RASGRP1: variants seen among roughly 807,000 people sequenced by gnomAD.
The protein encoded by RASGRP1 is RAS guanyl releasing protein 1.
In RASGRP1, 37 loss-of-function variants were observed where a neutral mutation model predicts 95.1. The ratio of observed to expected loss-of-function variants is 0.39; its 90% CI spans 0.30 to 0.51. The LOEUF is 0.51. Among genes scored for constraint, RASGRP1 ranks in the 20% least tolerant of loss-of-function variants. The pLI is 0.80. For missense variants in RASGRP1, 711 were observed against 965.4 expected (o/e 0.74, Z 3.49); for synonymous variants, 325 against 353.4 (o/e 0.92, Z 0.90).
intron 2 of RASGRP1, among the ~76,000 whole-genome samples, chr15:38,542,445 T>C (rs2141168569): frequency 6.6e-6 from 1 of 152,062 alleles, no homozygotes; most frequent in African/African-American, 2.4e-5. Flanking sequence ...GCAGAGAATT[T>C]GCATTCTTAA....
intron 2 of RASGRP1, among the ~76,000 whole-genome samples, chr15:38,551,493 T>C (rs72727388): frequency 0.28 from 43,259 of 152,060 alleles, 6,340 homozygotes; most frequent in East Asian, 0.4. Context: ...GACAAGCTTG[T>C]ATTGATCATC....
chr15:38,518,479 T>G (rs779360036), intron 4 of RASGRP1, 56 bp from the exon 5 acceptor site: 3 of 1,554,058 alleles, frequency 1.9e-6, no homozygotes, highest in Non-Finnish European at 2.6e-6. Context: ...GACTCACAAT[T>G]TGTTGGGTTC....
chr15:38,547,961 T>A (rs981848346), intron 2 of RASGRP1, among the ~76,000 whole-genome samples: 1 of 151,296 alleles, frequency 6.6e-6, no homozygotes, highest in African/African-American at 2.4e-5. Context: ...CATTAAAGAT[T>A]ACAAGTTTCC....
chr15:38,499,053 T>C, intron 14 of RASGRP1, 107 bp from the exon 15 acceptor site: 3 of 1,438,734 alleles, frequency 2.1e-6, no homozygotes, highest in Non-Finnish European at 2.9e-6. Flanking sequence ...ATGTCTGTTC[T>C]ATCTTCTGGA....
At chr15:38,505,039 T>C (rs944410350) in intron 10 of RASGRP1, 5 of 152,308 alleles carry the variant, frequency 3.3e-5, no homozygotes, top group African/African-American at 1.2e-4. Flanking sequence ...CTACCAAATA[T>C]TTTCAGTGGA....
chr15:38,498,702 C>G (rs568769846), intron 15 of RASGRP1, 92 bp downstream of exon 15: 2 of 1,485,878 alleles, frequency 1.3e-6, no homozygotes, highest in African/African-American at 1.4e-5. Context: ...CATTTAAACT[C>G]AAACACAGAG....
intron 1 of RASGRP1, among the ~76,000 whole-genome samples, chr15:38,563,526 G>A (rs1328224577): frequency 3.3e-5 from 5 of 152,210 alleles, no homozygotes; most frequent in African/African-American, 1.2e-4. Flanking sequence ...AAAAGTAAGA[G>A]ATGAAATGGA....
intron 16 of RASGRP1, among the ~76,000 whole-genome samples, chr15:38,493,045 T>G (rs1161007692): frequency 6.6e-6 from 1 of 151,962 alleles, no homozygotes; most frequent in Non-Finnish European, 1.5e-5. Context: ...CACGCCTGGC[T>G]AATTTTTTAT....
At chr15:38,561,518 G>A (rs1893809948) in intron 1 of RASGRP1, among the ~76,000 whole-genome samples, 1 of 152,206 alleles carries the variant, frequency 6.6e-6, no homozygotes, top group Admixed American at 6.6e-5. Context: ...CAAAGGGGCT[G>A]AAGAAGTGCT....
intron 2 of RASGRP1, among the ~76,000 whole-genome samples, chr15:38,555,886 G>C (rs916835762): frequency 6.6e-6 from 1 of 152,140 alleles, no homozygotes; most frequent in Non-Finnish European, 1.5e-5. Context: ...GGGGGGGCCC[G>C]TTCTGAGGCA....
chr15:38,523,166 T>G (rs1892064586), intron 3 of RASGRP1, among the ~76,000 whole-genome samples: 1 of 152,180 alleles, frequency 6.6e-6, no homozygotes, highest in Admixed American at 6.5e-5. Context: ...ACTAACACTA[T>G]TAACTGAAAT....
intron 3 of RASGRP1, among the ~76,000 whole-genome samples, chr15:38,524,697 G>A (rs1223915694): frequency 3.9e-5 from 6 of 152,132 alleles, no homozygotes; most frequent in South Asian, 4.2e-4. Flanking sequence ...ATTTTAAGAC[G>A]CTTTCACATC....
At chr15:38,503,014 C>A in intron 11 of RASGRP1, 1 of 524,172 alleles carries the variant, frequency 1.9e-6, no homozygotes, top group Non-Finnish European at 3.4e-6. Flanking sequence ...TTCTGTACTC[C>A]TAAATCAACT....
intron 2 of RASGRP1, among the ~76,000 whole-genome samples, chr15:38,549,712 A>G (rs561446157): frequency 3.8e-4 from 57 of 148,392 alleles, no homozygotes; most frequent in South Asian, 2.6e-3. Flanking sequence ...GTCCATTTCA[A>G]TGAATCACTG....
chr15:38,546,227 A>AT lies in RASGRP1; in HGVS notation c.220+13593dup, dbSNP rs202138336. ...AAATTATAACTTTATTTATTTATTT[A>AT]TTTATTTTTGAGATGGAGTCCCGCT... On this transcript the variant is annotated intron_variant, in intron 2 of 16. Transcript: ENST00000310803. 2.4e-3 allele frequency among the ~76,000 whole-genome samples: 362 copies of AT among 148,738 alleles called. 2 individuals are homozygous for AT. Among genetic ancestry groups the AT allele is most frequent in the African/African-American group, 8.7e-3 (333 of 38,328 alleles).
rs141890107 is a variant in RASGRP1 at position 38,509,159 on chromosome 15, A to G, written c.967-1158T>C. 2.9e-3 allele frequency among the ~76,000 whole-genome samples: 447 copies of G among 152,276 alleles called. 2 individuals carry two copies. Among genetic ancestry groups the G allele is most frequent in the African/African-American group, 0.01 (430 of 41,572 alleles). On this transcript the variant is annotated intron_variant, in intron 8 of 16. Transcript: ENST00000310803. The stretch of plus-strand genomic sequence containing the variant: ...ACTTAGATCTTAGCAACCTCAGCAT[A>G]TGATTTTTTTCCTTCCTTATTAAGT...
intron 10 of RASGRP1, 43 bp downstream of exon 10, chr15:38,505,797 T>C: frequency 2.1e-6 from 3 of 1,462,448 alleles, no homozygotes; most frequent in Non-Finnish European, 2.9e-6. Context: ...GAGAAGCTTG[T>C]AAAGCACCTG....
At chr15:38,512,978 CAACAAAA>C in intron 6 of RASGRP1, 22 bp from the exon 7 acceptor site, 1 of 1,482,668 alleles carries the variant, frequency 6.7e-7, no homozygotes, top group Non-Finnish European at 8.9e-7. Flanking sequence ...GAAACAACAA[CAACAAAA>C]AAAACCTATC....
intron 3 of RASGRP1, among the ~76,000 whole-genome samples, chr15:38,519,695 G>C (rs1419055660): frequency 6.6e-6 from 1 of 152,022 alleles, no homozygotes; most frequent in Non-Finnish European, 1.5e-5. Context: ...AGTGAAGAAG[G>C]GGCAAATGAC....
Sources: gnomAD v4.1 joint callset for allele counts (sites outside exome capture counted in the v4.1 genomes callset) on GRCh38, gnomAD v4.1.1 for gene constraint, MANE v1.5 for transcripts, NCBI Gene and HGNC (gene_info 2026-07-23, HGNC 2026-07-21) for gene names.